AFG2A: variants seen among roughly 807,000 people sequenced by gnomAD.
The protein encoded by AFG2A is ATPase family gene 2 protein homolog A.
the AFG2A span, among the ~76,000 whole-genome samples, chr4:123,303,991 G>T: frequency 1.4e-4 from 21 of 151,624 alleles, no homozygotes; most frequent in Non-Finnish European, 2.9e-4. Flanking sequence ...CAAAAGTTAG[G>T]TAATTCCTTA....
At chr4:123,318,454 T>C in the AFG2A span, 373 of 152,356 alleles carry the variant, frequency 2.4e-3, 1 homozygote, top group African/African-American at 8.6e-3. Flanking sequence ...ATTATTACCA[T>C]TGAAAAGGCA....
chr4:123,171,856 G>T, the AFG2A span, among the ~76,000 whole-genome samples: 1 of 151,926 alleles, frequency 6.6e-6, no homozygotes, highest in African/African-American at 2.4e-5. Flanking sequence ...CCTTGACTGT[G>T]TGTGACGTAG....
At chr4:123,297,725 AAAAAG>A in the AFG2A span, among the ~76,000 whole-genome samples, 1 of 151,516 alleles carries the variant, frequency 6.6e-6, no homozygotes, top group Non-Finnish European at 1.5e-5. Context: ...TCTCAAAAAA[AAAAAG>A]AAAAGAAAAA....
At chr4:122,978,672 A>C in the AFG2A span, among the ~76,000 whole-genome samples, 2 of 152,086 alleles carry the variant, frequency 1.3e-5, no homozygotes, top group Non-Finnish European at 2.9e-5. Context: ...GGGGCTGTTC[A>C]TGCTGAGGGG....
chr4:123,216,919 C>T, the AFG2A span, among the ~76,000 whole-genome samples: 3 of 152,012 alleles, frequency 2.0e-5, no homozygotes, highest in East Asian at 1.9e-4. Flanking sequence ...GTCCTTCCAC[C>T]TTGGCTTCCC....
At chr4:123,067,054 CAT>C in the AFG2A span, among the ~76,000 whole-genome samples, 3,345 of 152,264 alleles carry the variant, frequency 0.022, 62 homozygotes, top group Non-Finnish European at 0.036. Flanking sequence ...GTGTAGGACA[CAT>C]AGATTTCTTG....
the AFG2A span, among the ~76,000 whole-genome samples, chr4:122,959,495 G>A: frequency 1.3e-5 from 2 of 152,196 alleles, no homozygotes; most frequent in Non-Finnish European, 2.9e-5. Flanking sequence ...CTGCATGTTT[G>A]TGCTTTTTAT....
At chr4:122,990,240 T>C in the AFG2A span, among the ~76,000 whole-genome samples, 1 of 152,230 alleles carries the variant, frequency 6.6e-6, no homozygotes. Flanking sequence ...TGAAGGTATT[T>C]TCAAGTGTGG....
chr4:123,141,814 C>T, the AFG2A span, among the ~76,000 whole-genome samples: 1 of 151,922 alleles, frequency 6.6e-6, no homozygotes, highest in Non-Finnish European at 1.5e-5. Flanking sequence ...GATATTAATC[C>T]CTTATCAGAT....
the AFG2A span, among the ~76,000 whole-genome samples, chr4:122,938,778 G>A: frequency 6.6e-6 from 1 of 151,754 alleles, no homozygotes; most frequent in Non-Finnish European, 1.5e-5. Flanking sequence ...AATCTTCTTA[G>A]TAGAGATGGG....
the AFG2A span, among the ~76,000 whole-genome samples, chr4:123,230,913 G>A: frequency 6.6e-6 from 1 of 152,006 alleles, no homozygotes; most frequent in Non-Finnish European, 1.5e-5. Context: ...CATTTTATCT[G>A]AGTAGTAAGT....
chr4:122,953,923 C>A, the AFG2A span, among the ~76,000 whole-genome samples: 1 of 152,228 alleles, frequency 6.6e-6, no homozygotes, highest in Non-Finnish European at 1.5e-5. Flanking sequence ...CACTAGCACA[C>A]CATACCATTG....
chr4:123,023,283 G>C, the AFG2A span, among the ~76,000 whole-genome samples: 1 of 151,976 alleles, frequency 6.6e-6, no homozygotes, highest in Non-Finnish European at 1.5e-5. Context: ...CCTGGGTGAG[G>C]GGTTCAACTG....
the AFG2A span, among the ~76,000 whole-genome samples, chr4:123,264,539 A>G: frequency 2.0e-5 from 3 of 152,164 alleles, no homozygotes; most frequent in Non-Finnish European, 4.4e-5. Flanking sequence ...GCACCTGTTT[A>G]GTGGCTAAAA....
At chr4:122,967,083 A>G in the AFG2A span, among the ~76,000 whole-genome samples, 2 of 152,216 alleles carry the variant, frequency 1.3e-5, no homozygotes, top group South Asian at 2.1e-4. Context: ...CAGGGGTTCC[A>G]TTACTGAGAA....
the AFG2A span, among the ~76,000 whole-genome samples, chr4:122,975,323 T>TG: frequency 6.6e-6 from 1 of 152,190 alleles, no homozygotes; most frequent in Non-Finnish European, 1.5e-5. Flanking sequence ...AATCCATTCA[T>TG]GAGGCTGGAG....
the AFG2A span, among the ~76,000 whole-genome samples, chr4:123,264,769 T>C: frequency 1.3e-5 from 2 of 152,204 alleles, no homozygotes; most frequent in African/African-American, 4.8e-5. Flanking sequence ...AGCCAAATCA[T>C]TTATCATTTG....
chr4:122,987,652 T>G, the AFG2A span, among the ~76,000 whole-genome samples: 1 of 152,152 alleles, frequency 6.6e-6, no homozygotes, highest in Non-Finnish European at 1.5e-5. Context: ...ACAGTCTATT[T>G]TAAGCTGTTA....
chr4:123,282,549 G>A, the AFG2A span, among the ~76,000 whole-genome samples: 3 of 152,070 alleles, frequency 2.0e-5, no homozygotes, highest in African/African-American at 4.8e-5. Flanking sequence ...GTATCAATTC[G>A]TGTTTTACAA....
Sources: gnomAD v4.1 joint callset for allele counts (sites outside exome capture counted in the v4.1 genomes callset) on GRCh38, gnomAD v4.1.1 for gene constraint, MANE v1.5 for transcripts, NCBI Gene and HGNC (gene_info 2026-07-23, HGNC 2026-07-21) for gene names.